The following TMEM272 variants were observed in gnomAD, a reference collection of about 807,000 sequenced individuals.
TMEM272 encodes the protein transmembrane protein 272.
TMEM272 carries 8 observed loss-of-function variants against 3.7 expected under a neutral mutation model. The observed-to-expected ratio is 2.17, with a 90% confidence interval of 1.27 to 3.91. The LOEUF (loss-of-function observed/expected upper bound fraction) is 3.91, where lower values mean the gene tolerates loss of function less well. Ranked by LOEUF, TMEM272 falls within the 30% of genes most tolerant of loss-of-function variation. The pLI is 0.00. For missense variants in TMEM272, 166 were observed against 91.5 expected (o/e 1.81, Z -3.32); for synonymous variants, 63 against 39.8 (o/e 1.58, Z -2.20).
the TMEM272 span, among the ~76,000 whole-genome samples, chr13:51,923,731 GGGAA>G: frequency 2.0e-5 from 3 of 149,768 alleles, no homozygotes; most frequent in Admixed American, 2.0e-4. Flanking sequence ...GAGAGGAGAG[GGGAA>G]GGAAGGGGAG....
At chr13:51,855,237 G>T in the TMEM272 span, among the ~76,000 whole-genome samples, 2,339 of 152,286 alleles carry the variant, frequency 0.015, 51 homozygotes, top group Admixed American at 0.068. Context: ...TGAAGAAAGG[G>T]TCAACTAAAG....
the TMEM272 span, among the ~76,000 whole-genome samples, chr13:51,859,013 A>C: frequency 6.6e-6 from 1 of 152,180 alleles, no homozygotes; most frequent in Non-Finnish European, 1.5e-5. Flanking sequence ...AGACTTCCAG[A>C]ATGACTGAGT....
chr13:51,867,475 G>C, the TMEM272 span, among the ~76,000 whole-genome samples: 2,152 of 152,258 alleles, frequency 0.014, 55 homozygotes, highest in African/African-American at 0.049. Flanking sequence ...AGTGGCTTGG[G>C]GGTGGAGAGC....
chr13:51,818,845 G>A lies in TMEM272; in HGVS notation c.202-1732C>T, dbSNP rs536581555. 2.4e-3 allele frequency among the ~76,000 whole-genome samples: 358 copies of A among 152,230 alleles called. 1 individual carries two copies. The highest frequency in any genetic ancestry group is 3.8e-3 in the Non-Finnish European group (256 of 68,028). ...TTAATGTCCATCCTAGCCTGGGGCC[G>A]CGTATTATCTCTGTTGCCCAAATGA... On this transcript the variant is annotated intron_variant, in intron 4 of 4. Coordinates refer to ENST00000629372, the MANE Select transcript of TMEM272 (RefSeq NM_001351003.2).
the TMEM272 span, among the ~76,000 whole-genome samples, chr13:51,879,719 C>G: frequency 6.6e-6 from 1 of 152,176 alleles, no homozygotes; most frequent in Non-Finnish European, 1.5e-5. Context: ...TGCCAGACAC[C>G]AAGCATACAA....
Position 51,816,678 on chromosome 13 carries a change from CGTCTGTGT to C in TMEM272, c.*65_*72del, listed in dbSNP as rs1465828015. The C allele has an allele frequency of 9.8e-6, 6 of 614,766 alleles. No homozygotes were observed. The highest frequency in any genetic ancestry group is 1.8e-5 in the South Asian group (1 of 55,590). The allele number at this position is 614,766 out of a possible 1,614,324, so 38.1% of individuals were successfully genotyped here. A position where few individuals can be genotyped will look rare whatever the true frequency, so the allele number is the denominator to read the frequency against. ...CTGTGTGTGTGTGTGTGTGTGTGTGCGTCTGTGTGTCTGTGTGCACGCGCGTGCATGCA... is the reference window on the plus strand; with the variant it reads ...CTGTGTGTGTGTGTGTGTGTGTGTGCGTCTGTGTGCACGCGCGTGCATGCA... On this transcript the variant is annotated 3_prime_UTR_variant, in exon 5 of 5. Coordinates refer to ENST00000629372, the MANE Select transcript of TMEM272 (RefSeq NM_001351003.2).
chr13:51,826,138 CAAAAA>C (rs11295480), intron 3 of TMEM272, among the ~76,000 whole-genome samples: 1,309 of 123,196 alleles, frequency 0.011, 17 homozygotes, highest in Middle Eastern at 0.032. Context: ...ATTCATTCAG[CAAAAA>C]AAAAAAAAAA....
the TMEM272 span, among the ~76,000 whole-genome samples, chr13:51,906,175 C>T: frequency 1.3e-5 from 2 of 152,204 alleles, no homozygotes; most frequent in Non-Finnish European, 2.9e-5. Context: ...GTCAGTACCC[C>T]CTGCAAAGGT....
chr13:51,846,258 G>C (rs1202089676), upstream of TMEM272, among the ~76,000 whole-genome samples: 2 of 152,222 alleles, frequency 1.3e-5, no homozygotes, highest in Non-Finnish European at 2.9e-5. Context: ...TCACAGTCAT[G>C]AGCCACATAA....
chr13:51,825,277 T>G (rs1180399987), intron 3 of TMEM272, among the ~76,000 whole-genome samples: 1 of 152,250 alleles, frequency 6.6e-6, no homozygotes, highest in Non-Finnish European at 1.5e-5. Context: ...CCTGTCAGGC[T>G]GTTAGCTTTC....
Position 51,817,124 on chromosome 13 carries a change from G to T in TMEM272, c.202-11C>A, listed in dbSNP as rs759995404. ...CAACAGGAGAGACACCTGGGGCGTG[G>T]TGGGGAGCCAGGGTGGCAAGGCAGA... is the stretch of plus-strand genomic sequence containing the variant. On this transcript the variant is annotated splice_polypyrimidine_tract_variant and intron_variant, in intron 4 of 4. Transcript: ENST00000629372. 10 of 696,706 alleles carry T rather than the reference G, an allele frequency of 1.4e-5. No individual in the cohort carries two copies. Among genetic ancestry groups the T allele is most frequent in the Non-Finnish European group, 2.1e-5 (8 of 379,964 alleles). The allele number at this position is 696,706 out of a possible 1,614,324, so 43.2% of individuals were successfully genotyped here. A position where few individuals can be genotyped will look rare whatever the true frequency, so the allele number is the denominator to read the frequency against.
chr13:51,870,668 A>G, the TMEM272 span, among the ~76,000 whole-genome samples: 1 of 152,250 alleles, frequency 6.6e-6, no homozygotes. Flanking sequence ...CGGAATTAGC[A>G]AAAATAATAA....
At chr13:51,852,014 A>G in the TMEM272 span, among the ~76,000 whole-genome samples, 2 of 152,240 alleles carry the variant, frequency 1.3e-5, no homozygotes, top group Non-Finnish European at 2.9e-5. Context: ...ATTTCTAGAC[A>G]TGGAATTGCT....
At chr13:51,921,020 C>T in the TMEM272 span, among the ~76,000 whole-genome samples, 1 of 152,244 alleles carries the variant, frequency 6.6e-6, no homozygotes, top group Non-Finnish European at 1.5e-5. Flanking sequence ...AACTGCAATT[C>T]ACAGCTCTGC....
At chr13:51,821,813 A>G (rs964834156) in intron 4 of TMEM272, among the ~76,000 whole-genome samples, 5 of 152,128 alleles carry the variant, frequency 3.3e-5, no homozygotes, top group African/African-American at 1.2e-4. Flanking sequence ...CCAAAGCCAC[A>G]GCTTAGCACA....
chr13:51,893,780 C>T, the TMEM272 span, among the ~76,000 whole-genome samples: 1 of 152,096 alleles, frequency 6.6e-6, no homozygotes, highest in Non-Finnish European at 1.5e-5. Context: ...TGGATAGGTG[C>T]CCAGAATTAA....
chr13:51,889,851 G>A, the TMEM272 span, among the ~76,000 whole-genome samples: 7 of 152,196 alleles, frequency 4.6e-5, 1 homozygote, highest in Middle Eastern at 3.4e-3. Context: ...ATGTTGGTCG[G>A]GCTCATCTTG....
chr13:51,854,188 A>G, the TMEM272 span, among the ~76,000 whole-genome samples: 6 of 152,180 alleles, frequency 3.9e-5, no homozygotes, highest in African/African-American at 1.4e-4. Context: ...TCTGTACTCC[A>G]TTCACACTTA....
At chr13:51,870,640 C>T in the TMEM272 span, among the ~76,000 whole-genome samples, 37 of 152,312 alleles carry the variant, frequency 2.4e-4, no homozygotes, top group East Asian at 2.1e-3. Flanking sequence ...AGCAGAAAAG[C>T]TGAGGAATGA....
Sources: gnomAD v4.1 joint callset for allele counts (sites outside exome capture counted in the v4.1 genomes callset) on GRCh38, gnomAD v4.1.1 for gene constraint, MANE v1.5 for transcripts, NCBI Gene and HGNC (gene_info 2026-07-23, HGNC 2026-07-21) for gene names.